The following FAM53A variants were observed in gnomAD, a reference collection of about 807,000 sequenced individuals.
The protein encoded by FAM53A is family with sequence similarity 53 member A.
Under a neutral mutation model 26.6 loss-of-function variants are expected in FAM53A, and 28 were observed. That is an observed-to-expected ratio of 1.05 (90% CI 0.78 to 1.45). FAM53A has a LOEUF of 1.45. Among genes scored for constraint, FAM53A ranks in the 40% most tolerant of loss-of-function variants. The pLI is 0.00. For synonymous variants in FAM53A, 290 were observed against 253.1 expected (o/e 1.15, Z -1.38); for missense variants, 650 against 575.8 (o/e 1.13, Z -1.32).
At chr4:1,606,038 CTCT>C in the FAM53A span, among the ~76,000 whole-genome samples, 3 of 119,734 alleles carry the variant, frequency 2.5e-5, no homozygotes, top group African/African-American at 8.7e-5. Flanking sequence ...TTTCCTATGA[CTCT>C]TTTTTTTTTT....
chr4:1,636,815 C>A (rs1236677392), downstream of FAM53A, among the ~76,000 whole-genome samples: 2 of 152,206 alleles, frequency 1.3e-5, no homozygotes, highest in African/African-American at 2.4e-5. Context: ...GGCCCAGGGT[C>A]CTCAAGGGAG....
the FAM53A span, among the ~76,000 whole-genome samples, chr4:1,597,735 C>G: frequency 1.3e-5 from 2 of 152,226 alleles, no homozygotes; most frequent in Admixed American, 6.5e-5. Context: ...GTGGCTCACG[C>G]CTGTAATCTC....
intron 4 of FAM53A, among the ~76,000 whole-genome samples, chr4:1,652,440 A>G (rs1392784690): frequency 6.8e-6 from 1 of 148,102 alleles, no homozygotes; most frequent in African/African-American, 2.5e-5. Context: ...CACACATCAC[A>G]CACACACCAC....
chr4:1,638,482 G>A (rs1715947410), downstream of FAM53A, among the ~76,000 whole-genome samples: 1 of 152,182 alleles, frequency 6.6e-6, no homozygotes, highest in Admixed American at 6.5e-5. Flanking sequence ...CTGGGCTCGG[G>A]CCTCAGGAGG....
At chr4:1,601,018 C>T in the FAM53A span, among the ~76,000 whole-genome samples, 892 of 152,230 alleles carry the variant, frequency 5.9e-3, 11 homozygotes, top group African/African-American at 0.02. Flanking sequence ...AGCAGGCAGA[C>T]GCCCCCCAGG....
chr4:1,652,905 T>C (rs1488163288), intron 4 of FAM53A, among the ~76,000 whole-genome samples: 1 of 116,894 alleles, frequency 8.6e-6, no homozygotes, highest in African/African-American at 3.4e-5. Context: ...CACCACACAC[T>C]ACACACCAGA....
intron 1 of FAM53A, among the ~76,000 whole-genome samples, chr4:1,673,846 G>A (rs532704290): frequency 3.3e-5 from 5 of 152,392 alleles, no homozygotes; most frequent in African/African-American, 4.8e-5. Context: ...CGCGGGAGGC[G>A]CATGCAGCGC....
At chr4:1,582,106 A>G in the FAM53A span, among the ~76,000 whole-genome samples, 4 of 152,260 alleles carry the variant, frequency 2.6e-5, no homozygotes, top group African/African-American at 4.8e-5. Flanking sequence ...ACTTGAAGGC[A>G]GCACATGGCA....
intron 1 of FAM53A, among the ~76,000 whole-genome samples, chr4:1,627,824 G>C (rs1481450471): frequency 6.6e-6 from 1 of 151,778 alleles, no homozygotes; most frequent in Non-Finnish European, 1.5e-5. Context: ...CCCTCCAGAG[G>C]TCATGCAGGG....
intron 1 of FAM53A, among the ~76,000 whole-genome samples, chr4:1,671,402 G>T (rs1274341106): frequency 1.1e-5 from 1 of 94,308 alleles, no homozygotes; most frequent in Admixed American, 1.1e-4. Flanking sequence ...CACAGCCACG[G>T]CCCGGACTCA....
intron 4 of FAM53A, among the ~76,000 whole-genome samples, chr4:1,642,165 C>T (rs1016394256): frequency 4.6e-5 from 7 of 152,208 alleles, no homozygotes; most frequent in Admixed American, 6.5e-5. Flanking sequence ...GCCCACCAGA[C>T]GCAGCTCCCA....
downstream of FAM53A, among the ~76,000 whole-genome samples, chr4:1,635,441 T>C (rs1715795862): frequency 6.6e-6 from 1 of 152,104 alleles, no homozygotes; most frequent in African/African-American, 2.4e-5. Context: ...ACCCAACTAA[T>C]TTTTTTATTT....
At chr4:1,633,241 T>C (rs2403272) in intron 1 of FAM53A, among the ~76,000 whole-genome samples, 10,521 of 152,312 alleles carry the variant, frequency 0.069, 424 homozygotes, top group Middle Eastern at 0.17. Context: ...GCTTCATTAT[T>C]TAAACCATAA....
Position 1,654,953 on chromosome 4 carries a change from G to A in FAM53A, c.882+25C>T, listed in dbSNP as rs1175953981. 5 of 1,500,002 alleles carry A rather than the reference G, an allele frequency of 3.3e-6. No homozygotes were observed. The East Asian group carries it at 9.7e-5, about 29-fold the overall frequency. 92.9% of individuals were successfully genotyped at this position (1,500,002 alleles called of 1,614,324 possible). On this transcript the variant is annotated intron_variant, in intron 4 of 4. Transcript: ENST00000308132. ...CCTGTCCAGATCTACGCCCCTCTGA[G>A]CCCCTGGAAATAAGAAAGCCTCACC...
At chr4:1,601,183 A>G in the FAM53A span, among the ~76,000 whole-genome samples, 1 of 152,158 alleles carries the variant, frequency 6.6e-6, no homozygotes, top group Admixed American at 6.5e-5. Flanking sequence ...CCAGGCTGCC[A>G]ACGGGCAGGG....
At chr4:1,675,538 A>C (rs903526835) in intron 1 of FAM53A, among the ~76,000 whole-genome samples, 1 of 152,088 alleles carries the variant, frequency 6.6e-6, no homozygotes, top group African/African-American at 2.4e-5. Flanking sequence ...TTGTAACTGC[A>C]CCGTAAATCC....
chr4:1,681,657 C>T (rs1219270271), intron 1 of FAM53A, among the ~76,000 whole-genome samples: 1 of 151,896 alleles, frequency 6.6e-6, no homozygotes, highest in Non-Finnish European at 1.5e-5. Flanking sequence ...CCACCATACC[C>T]AGCTCATTTT....
the FAM53A span, among the ~76,000 whole-genome samples, chr4:1,591,554 C>T: frequency 6.6e-6 from 1 of 152,136 alleles, no homozygotes; most frequent in South Asian, 2.1e-4. Flanking sequence ...ACTGCAACAC[C>T]CCACACAAGG....
the FAM53A span, among the ~76,000 whole-genome samples, chr4:1,600,010 T>C: frequency 6.7e-6 from 1 of 150,154 alleles, no homozygotes; most frequent in Non-Finnish European, 1.5e-5. Context: ...CTCTCCCACC[T>C]AGGCGAGGCC....
Sources: allele counts gnomAD v4.1 joint callset (sites outside exome capture counted in the v4.1 genomes callset), GRCh38; gene constraint gnomAD v4.1.1; transcripts MANE v1.5; gene names NCBI Gene and HGNC (gene_info 2026-07-23, HGNC 2026-07-21).